The following EFCAB8 variants were observed in gnomAD, a reference collection of about 807,000 sequenced individuals.
EFCAB8 encodes the protein EF-hand calcium-binding domain-containing protein 8.
In EFCAB8, 100 loss-of-function variants were observed where a neutral mutation model predicts 116.3. The ratio of observed to expected loss-of-function variants is 0.86; its 90% CI spans 0.73 to 1.02. The LOEUF (loss-of-function observed/expected upper bound fraction) is 1.02, where lower values mean the gene tolerates loss of function less well. Among genes scored for constraint, EFCAB8 ranks in the 50% least tolerant of loss-of-function variants. EFCAB8 has a pLI of 0.00. For synonymous variants in EFCAB8, 558 were observed against 567.9 expected (o/e 0.98, Z 0.25); for missense variants, 1,320 against 1,416.9 (o/e 0.93, Z 1.10).
At chr20:32,945,835 G>T (rs58246133) in intron 23 of EFCAB8, among the ~76,000 whole-genome samples, 32 of 152,094 alleles carry the variant, frequency 2.1e-4, no homozygotes, top group Non-Finnish European at 3.7e-4. Flanking sequence ...ATGTAAATTC[G>T]CAATTACAGG....
At chr20:32,905,471 A>G (rs1437948470) in intron 11 of EFCAB8, among the ~76,000 whole-genome samples, 1 of 152,064 alleles carries the variant, frequency 6.6e-6, no homozygotes, top group Non-Finnish European at 1.5e-5. Context: ...TTCAGAAATA[A>G]GGACATTGGG....
intron 1 of EFCAB8, among the ~76,000 whole-genome samples, chr20:32,861,852 T>G (rs1214291817): frequency 1.3e-5 from 2 of 152,256 alleles, no homozygotes; most frequent in Non-Finnish European, 2.9e-5. Flanking sequence ...TTTTGGAGTA[T>G]ATGTTTCCAG....
chr20:32,895,313 A>ATTTTTTTTT (rs11353110), intron 9 of EFCAB8, among the ~76,000 whole-genome samples: 2 of 127,732 alleles, frequency 1.6e-5, no homozygotes, highest in Non-Finnish European at 3.2e-5. Flanking sequence ...TTTATTTAAG[A>ATTTTTTTTT]TTTTTTTTTT....
intron 23 of EFCAB8, among the ~76,000 whole-genome samples, chr20:32,952,734 T>G (rs1269803847): frequency 6.6e-6 from 1 of 152,242 alleles, no homozygotes; most frequent in African/African-American, 2.4e-5. Flanking sequence ...TTCATTTTCC[T>G]GATGGCATCT....
Position 32,863,841 on chromosome 20 carries a change from A to G in EFCAB8, c.42+7A>G, listed in dbSNP as rs1006780242. The G allele has an allele frequency of 1.0e-5, 16 of 1,551,316 alleles. No individual in the cohort carries two copies. The highest frequency in any genetic ancestry group is 1.3e-5 in the Non-Finnish European group (15 of 1,146,846). Reference sequence around the variant, plus strand: ...GATCCCTCAACTCCAAAAGGTAAGAAAGACAATTATCTGAACTAATAAAGG... The same window carrying G: ...GATCCCTCAACTCCAAAAGGTAAGAGAGACAATTATCTGAACTAATAAAGG... On this transcript the variant is annotated splice_region_variant and intron_variant, in intron 2 of 26. Coordinates refer to ENST00000400522, the MANE Select transcript of EFCAB8 (RefSeq NM_001143967.2).
chr20:32,908,646 C>T (rs548541794), intron 14 of EFCAB8, among the ~76,000 whole-genome samples: 27 of 152,356 alleles, frequency 1.8e-4, no homozygotes, highest in Admixed American at 6.5e-4. Context: ...TGCACTGTCC[C>T]CACTCAGGCG....
intron 7 of EFCAB8, among the ~76,000 whole-genome samples, chr20:32,891,586 A>T (rs556460806): frequency 8.5e-5 from 13 of 152,180 alleles, no homozygotes; most frequent in Admixed American, 2.0e-4. Flanking sequence ...ATCTGCTCGG[A>T]GGTACTCAGA....
chr20:32,859,513 T>A (rs1043098002), intron 1 of EFCAB8, among the ~76,000 whole-genome samples: 49 of 152,202 alleles, frequency 3.2e-4, no homozygotes, highest in African/African-American at 1.2e-3. Context: ...TTTGGCGTTT[T>A]ACCTCTGTTC....
At chr20:32,925,630 G>A (rs1987640482) in intron 20 of EFCAB8, among the ~76,000 whole-genome samples, 1 of 152,264 alleles carries the variant, frequency 6.6e-6, no homozygotes, top group African/African-American at 2.4e-5. Context: ...TGGGATTACA[G>A]GCGTGAGCCA....
rs1324552951 is a variant in EFCAB8 at position 32,917,414 on chromosome 20, G to A, written c.1970G>A (p.Ser657Asn). ...CAGTTCCTTGGGACCTCCTCCTACA[G>A]TGGGGACATCCTCTTCTGGAACACC... Reference protein sequence around the residue: ...RNQFLGTSSYSGDILFWNTGT... With the variant: ...RNQFLGTSSYNGDILFWNTGT... Residue 657 changes from serine (S) to asparagine (N), a missense_variant, in exon 18 of 27, where the codon AGT (serine) becomes AAT (asparagine). Coordinates refer to ENST00000400522, the MANE Select transcript of EFCAB8 (RefSeq NM_001143967.2). The A allele has an allele frequency of 3.7e-5, 57 of 1,551,890 alleles. No individual in the cohort carries two copies. The highest frequency in any genetic ancestry group is 5.9e-5 in the Admixed American group (3 of 50,986).
At chr20:32,903,944 G>A (rs528638535) in intron 11 of EFCAB8, among the ~76,000 whole-genome samples, 33 of 152,326 alleles carry the variant, frequency 2.2e-4, no homozygotes, top group Admixed American at 1.6e-3. Context: ...CGGGTCAGGG[G>A]TGACTTCAGT....
chr20:32,933,254 T>G (rs182972278), intron 22 of EFCAB8, among the ~76,000 whole-genome samples: 128 of 152,324 alleles, frequency 8.4e-4, no homozygotes, highest in Non-Finnish European at 1.2e-4. Flanking sequence ...TTTATAATGA[T>G]ATATTTTAAA....
intron 7 of EFCAB8, among the ~76,000 whole-genome samples, chr20:32,891,365 G>A (rs564855973): frequency 4.6e-5 from 7 of 152,204 alleles, no homozygotes; most frequent in African/African-American, 7.2e-5. Context: ...TTACAGGTGC[G>A]CGCTACCACA....
intron 4 of EFCAB8, among the ~76,000 whole-genome samples, chr20:32,876,295 C>G (rs11167183): frequency 0.38 from 57,123 of 152,134 alleles, 12,832 homozygotes; most frequent in Middle Eastern, 0.52. Flanking sequence ...GAGTGTGCAG[C>G]GGTGACCCCA....
intron 22 of EFCAB8, among the ~76,000 whole-genome samples, chr20:32,939,125 CT>C (rs1568941447): frequency 0.19 from 10,578 of 56,562 alleles, 1,828 homozygotes; most frequent in African/African-American, 0.34. Flanking sequence ...CTCTTTCTTT[CT>C]CTTTCTTTCT....
intron 11 of EFCAB8, among the ~76,000 whole-genome samples, chr20:32,901,165 T>C (rs1986407459): frequency 1.3e-5 from 2 of 152,344 alleles, no homozygotes; most frequent in Non-Finnish European, 2.9e-5. Flanking sequence ...AGAAGTTTGC[T>C]TGGAGCTGTT....
intron 16 of EFCAB8, 111 bp downstream of exon 16, chr20:32,911,818 C>T: frequency 1.8e-6 from 2 of 1,114,502 alleles, no homozygotes; most frequent in Non-Finnish European, 1.3e-6. Flanking sequence ...GGGTGTTCAT[C>T]ATAGTCAGGT....
chr20:32,937,772 C>T (rs1260278701), intron 22 of EFCAB8, among the ~76,000 whole-genome samples: 1 of 143,762 alleles, frequency 7.0e-6, no homozygotes, highest in Non-Finnish European at 1.5e-5. Context: ...GCATGCACCA[C>T]CATGCCTGGC....
intron 23 of EFCAB8, among the ~76,000 whole-genome samples, chr20:32,945,987 AG>A (rs1299111782): frequency 6.6e-6 from 1 of 152,208 alleles, no homozygotes; most frequent in Non-Finnish European, 1.5e-5. Context: ...AGTCTGAGAG[AG>A]GCAAGACAGA....
Sources: gnomAD v4.1 joint callset for allele counts (sites outside exome capture counted in the v4.1 genomes callset) on GRCh38, gnomAD v4.1.1 for gene constraint, MANE v1.5 for transcripts, NCBI Gene and HGNC (gene_info 2026-07-23, HGNC 2026-07-21) for gene names.